HTT: variants seen among roughly 807,000 people sequenced by gnomAD.
HTT encodes huntingtin.
Under a neutral mutation model 362.3 loss-of-function variants are expected in HTT, and 104 were observed. The ratio of observed to expected loss-of-function variants is 0.29; its 90% CI spans 0.24 to 0.34. HTT has a LOEUF of 0.34. Among genes scored for constraint, HTT ranks in the 10% least tolerant of loss-of-function variants. The probability of loss-of-function intolerance (pLI) is 1.00; values close to 1 mark genes in which losing one functional copy is unlikely to be tolerated. For synonymous variants in HTT, 1,577 were observed against 1,548.7 expected (o/e 1.02, Z -0.43); for missense variants, 3,301 against 3,928.6 (o/e 0.84, Z 4.27).
At chr4:3,225,155 G>A (rs569502816) in intron 56 of HTT, among the ~76,000 whole-genome samples, 5 of 151,924 alleles carry the variant, frequency 3.3e-5, no homozygotes, top group African/African-American at 9.7e-5. Context: ...CCTGGGGCGT[G>A]GGGGGGTGTG....
chr4:3,085,816 CT>C (rs1238622223), intron 1 of HTT, among the ~76,000 whole-genome samples: 1 of 152,186 alleles, frequency 6.6e-6, no homozygotes, highest in African/African-American at 2.4e-5. Flanking sequence ...CCCCTCTCTA[CT>C]TTATTTTGAT....
In HTT at chr4:3,154,293, G is replaced by T; in HGVS notation, c.3499G>T (p.Ala1167Ser). 1 of 1,563,110 alleles carries T rather than the reference G, an allele frequency of 6.4e-7. No homozygotes were observed. The highest frequency in any genetic ancestry group is 8.6e-7 in the Non-Finnish European group (1 of 1,157,750). ...TTTTGTTTTTGTTTTTCTATTTTAG[G>T]CAGCCTTGCCTTCTCTAACAAACCC... ...DDVAPGPAIK[A>S]ALPSLTNPPS... The change falls in exon 27 of 67, where the codon GCA becomes TCA. Residue 1167 changes from alanine (A) to serine (S), a missense_variant and splice_region_variant. By Grantham distance (99) the Ala-to-Ser change is moderately conservative (BLOSUM62 1). Transcript: ENST00000355072.
At chr4:3,081,323 A>G (rs1045768759) in intron 1 of HTT, among the ~76,000 whole-genome samples, 1 of 152,342 alleles carries the variant, frequency 6.6e-6, no homozygotes, top group Admixed American at 6.5e-5. Context: ...GAAAGTAGCC[A>G]TAAGCAATAT....
chr4:3,184,057 T>A (rs1036291327), intron 37 of HTT, among the ~76,000 whole-genome samples: 2 of 151,680 alleles, frequency 1.3e-5, no homozygotes, highest in Non-Finnish European at 2.9e-5. Flanking sequence ...CCATGGCGGC[T>A]GATCAGGAAC....
At chr4:3,118,140 C>T (rs965432129) in intron 8 of HTT, among the ~76,000 whole-genome samples, 9 of 152,122 alleles carry the variant, frequency 5.9e-5, no homozygotes, top group African/African-American at 2.2e-4. Context: ...ACCTTTTTCT[C>T]TTCTCTGTAT....
rs1433865496 is a variant in HTT at position 3,187,772 on chromosome 4, A to G, written c.5111A>G (p.Tyr1704Cys). 6.2e-7 allele frequency: 1 copy of G among 1,612,954 alleles called. No individual in the cohort carries two copies. The change falls in exon 39 of 67, where the codon TAT (tyrosine) becomes TGT (cysteine). Residue 1704 changes from tyrosine (Y) to cysteine (C), a missense_variant. Transcript: ENST00000355072. Reference protein sequence around the residue: ...SRIQELSFSPYLISCTVINRL... With the variant: ...SRIQELSFSPCLISCTVINRL... ...ATTCAGGAGCTCTCCTTCTCTCCGT[A>G]TTTAATCTCCTGTACAGTAATTAAT...
At position 3,093,102 on chromosome 4, in the gene HTT, G is replaced by T. The variant is rs1267097188; in HGVS notation, c.347+6080G>T. Among the ~76,000 whole-genome samples, 3 of 152,166 alleles carry T rather than the reference G, an allele frequency of 2.0e-5. No individual in the cohort carries two copies. The East Asian group carries it at 5.8e-4, about 29-fold the overall frequency. On this transcript the variant is annotated intron_variant, in intron 2 of 66. Coordinates refer to ENST00000355072, the MANE Select transcript of HTT (RefSeq NM_001388492.1). ...AGGGAGCTCCGGAGACCTGCACCCT[G>T]CCCTCTCAGTACCCTGTCATGTGTG... is the stretch of plus-strand genomic sequence containing the variant.
chr4:3,155,607 C>T (rs1037313070), intron 27 of HTT, among the ~76,000 whole-genome samples: 6 of 150,334 alleles, frequency 4.0e-5, no homozygotes, highest in Non-Finnish European at 8.9e-5. Flanking sequence ...ATTGGCCAGG[C>T]GTGGTGGCTC....
At chr4:3,077,858 T>C (rs965837590) in intron 1 of HTT, among the ~76,000 whole-genome samples, 3 of 149,834 alleles carry the variant, frequency 2.0e-5, no homozygotes, top group Non-Finnish European at 4.4e-5. Flanking sequence ...AGGTATTCAC[T>C]AATTTTGAGT....
At chr4:3,232,285 G>A (rs1194064830) in intron 60 of HTT, among the ~76,000 whole-genome samples, 2 of 152,124 alleles carry the variant, frequency 1.3e-5, no homozygotes, top group Non-Finnish European at 2.9e-5. Context: ...TTTCCCCTGC[G>A]GAGAGGCTCC....
At chr4:3,179,523 GTGTT>G (rs1311820377) in intron 35 of HTT, among the ~76,000 whole-genome samples, 10 of 152,132 alleles carry the variant, frequency 6.6e-5, no homozygotes, top group Non-Finnish European at 1.2e-4. Context: ...AGAGGTCAGA[GTGTT>G]TGTGTGTGTG....
chr4:3,132,243 A>T (rs1237711293), intron 16 of HTT, among the ~76,000 whole-genome samples: 2 of 152,150 alleles, frequency 1.3e-5, no homozygotes. Context: ...TATATGAGGT[A>T]AGTGTGTAAT....
In HTT at chr4:3,107,285, G is replaced by A. The variant is rs770792045; in HGVS notation, c.609G>A (p.Arg203=). Residue 203 remains arginine, a splice_region_variant and synonymous_variant, in exon 6 of 67, where the codon AGG becomes AGA. Transcript: ENST00000355072. ...GACTTGCGTTCTTTTGCATACACAGGCCTTACCTGGTGAACCTTCTGCCGT... is the reference window on the plus strand; with the variant it reads ...GACTTGCGTTCTTTTGCATACACAGACCTTACCTGGTGAACCTTCTGCCGT... The part of the protein sequence containing the change: ...LAHLVRPQKC[R]PYLVNLLPCL... 9 of 1,613,968 alleles carry A rather than the reference G, an allele frequency of 5.6e-6. No individual in the cohort carries two copies. The highest frequency in any genetic ancestry group is 1.6e-4 in the Middle Eastern group (1 of 6,082).
At chr4:3,222,749 C>T (rs1282167643) in intron 54 of HTT, among the ~76,000 whole-genome samples, 1 of 152,142 alleles carries the variant, frequency 6.6e-6, no homozygotes, top group Non-Finnish European at 1.5e-5. Context: ...TGTGCCCTTT[C>T]TGGAAAATAT....
At chr4:3,120,764 T>C (rs1715261035) in intron 8 of HTT, among the ~76,000 whole-genome samples, 2 of 152,218 alleles carry the variant, frequency 1.3e-5, no homozygotes, top group South Asian at 4.1e-4. Flanking sequence ...CAGTCTCTGG[T>C]GCCAGAAAGG....
intron 64 of HTT, among the ~76,000 whole-genome samples, 168 bp downstream of exon 64, chr4:3,236,422 G>A (rs1040307682): frequency 1.3e-5 from 2 of 152,264 alleles, no homozygotes; most frequent in East Asian, 1.9e-4. Context: ...TTCCACTGGC[G>A]AGCTGGTGGT....
At position 3,223,599 on chromosome 4, in the gene HTT, G is replaced by T. The variant is rs368278393; in HGVS notation, c.7625+39G>T. The stretch of plus-strand genomic sequence containing the variant: ...CCCACGTGTCTCTGGGACATAGCAG[G>T]TGCTGGGGACAGTGGGTTCCCCGCT... On this transcript the variant is annotated intron_variant, in intron 55 of 66. Transcript: ENST00000355072. The T allele has an allele frequency of 5.3e-4, 830 of 1,554,880 alleles. 3 individuals carry two copies. Among genetic ancestry groups the T allele is most frequent in the South Asian group, 2.9e-3 (240 of 82,790 alleles).
At chr4:3,145,968 T>TA (rs1185802681) in intron 24 of HTT, among the ~76,000 whole-genome samples, 1 of 152,164 alleles carries the variant, frequency 6.6e-6, no homozygotes, top group Non-Finnish European at 1.5e-5. Flanking sequence ...GGCATTGGAG[T>TA]AAAATGTATT....
intron 37 of HTT, among the ~76,000 whole-genome samples, chr4:3,184,881 AG>A (rs1242400528): frequency 6.6e-6 from 1 of 151,872 alleles, no homozygotes; most frequent in Non-Finnish European, 1.5e-5. Flanking sequence ...CAGGTAGGTG[AG>A]GGGAGCCAGT....
Sources: gnomAD v4.1 joint callset for allele counts (sites outside exome capture counted in the v4.1 genomes callset) on GRCh38, gnomAD v4.1.1 for gene constraint, MANE v1.5 for transcripts, NCBI Gene and HGNC (gene_info 2026-07-23, HGNC 2026-07-21) for gene names.